The following DNAJB1 variants were observed in gnomAD, a reference collection of about 807,000 sequenced individuals.
DNAJB1 encodes dnaJ homolog subfamily B member 1.
In DNAJB1, 14 loss-of-function variants were observed where a neutral mutation model predicts 24.0. That is an observed-to-expected ratio of 0.58 (90% CI 0.39 to 0.91). The LOEUF (loss-of-function observed/expected upper bound fraction) is 0.91. Ranked by LOEUF, DNAJB1 falls within the 40% of genes least tolerant of loss-of-function variation. The probability of loss-of-function intolerance (pLI) is 0.00; values close to 1 mark genes in which losing one functional copy is unlikely to be tolerated. For synonymous variants in DNAJB1, 262 were observed against 174.4 expected, an observed-to-expected ratio of 1.50 and a Z score of -3.96; for missense variants, 517 against 458.1, an observed-to-expected ratio of 1.13 and a Z score of -1.17.
intron 2 of DNAJB1, among the ~76,000 whole-genome samples, chr19:14,526,336 G>A (rs918990166): frequency 2.6e-5 from 4 of 152,206 alleles, no homozygotes; most frequent in African/African-American, 9.7e-5. Flanking sequence ...CACTGTCAGG[G>A]GGCCACAGTA....
At chr19:14,545,513 G>C (rs188814540) in intron 1 of DNAJB1, among the ~76,000 whole-genome samples, 1 of 152,136 alleles carries the variant, frequency 6.6e-6, no homozygotes, top group Non-Finnish European at 1.5e-5. Flanking sequence ...CTAGGGGGTG[G>C]GGGGGATAGC....
intron 1 of DNAJB1, among the ~76,000 whole-genome samples, chr19:14,555,729 C>T (rs189751920): frequency 1.3e-5 from 2 of 152,150 alleles, no homozygotes; most frequent in African/African-American, 2.4e-5. Context: ...GTGTGAGTCA[C>T]CATGCGTGGA....
upstream of DNAJB1, among the ~76,000 whole-genome samples, chr19:14,534,727 G>T (rs796329989): frequency 2.0e-5 from 3 of 152,082 alleles, no homozygotes; most frequent in Non-Finnish European, 2.9e-5. Flanking sequence ...GTGAGCCACC[G>T]CACCTTGCCC....
chr19:14,553,081 G>C (rs192865363), upstream of DNAJB1, among the ~76,000 whole-genome samples: 1 of 152,184 alleles, frequency 6.6e-6, no homozygotes, highest in African/African-American at 2.4e-5. Context: ...ACTTCCCACT[G>C]TGTTTGTCTT....
At chr19:14,533,596 G>T (rs1025289368), upstream of DNAJB1, among the ~76,000 whole-genome samples, 7 of 152,108 alleles carry the variant, frequency 4.6e-5, no homozygotes, top group African/African-American at 1.7e-4. Flanking sequence ...TGACTGTCAC[G>T]CAACAAATTA....
upstream of DNAJB1, among the ~76,000 whole-genome samples, chr19:14,519,195 C>A (rs1158379527): frequency 6.6e-6 from 1 of 152,118 alleles, no homozygotes; most frequent in Non-Finnish European, 1.5e-5. Flanking sequence ...TGGTGAAACC[C>A]CATCTCTGCT....
upstream of DNAJB1, among the ~76,000 whole-genome samples, chr19:14,554,165 C>T (rs1433345219): frequency 6.6e-6 from 1 of 152,168 alleles, no homozygotes; most frequent in Non-Finnish European, 1.5e-5. Context: ...AGATCTTGGC[C>T]TCTTCATCTG....
chr19:14,535,594 G>A (rs144413935), intron 1 of DNAJB1, among the ~76,000 whole-genome samples: 58 of 38,864 alleles, frequency 1.5e-3, no homozygotes, highest in East Asian at 2.5e-3. Context: ...ATATATGTAT[G>A]TATATATAAA....
chr19:14,544,476 C>G (rs980253824), intron 1 of DNAJB1, among the ~76,000 whole-genome samples: 3 of 152,002 alleles, frequency 2.0e-5, no homozygotes, highest in Non-Finnish European at 4.4e-5. Context: ...GACGAGGATG[C>G]TTGCATGATC....
At chr19:14,546,064 G>C (rs2073296233) in intron 1 of DNAJB1, among the ~76,000 whole-genome samples, 1 of 152,138 alleles carries the variant, frequency 6.6e-6, no homozygotes, top group Non-Finnish European at 1.5e-5. Context: ...TGGGGGACCT[G>C]CCTGGAAGGT....
chr19:14,544,456 A>C (rs1189173985), intron 1 of DNAJB1, among the ~76,000 whole-genome samples: 1 of 151,850 alleles, frequency 6.6e-6, no homozygotes. Flanking sequence ...AAGTCACTGC[A>C]ACTGATCAGG....
At chr19:14,520,653 G>GTT (rs2072349408), upstream of DNAJB1, among the ~76,000 whole-genome samples, 1 of 152,084 alleles carries the variant, frequency 6.6e-6, no homozygotes, top group South Asian at 2.1e-4. Context: ...ACTTGAGCAG[G>GTT]GGTCCTGAAG....
At chr19:14,527,389 A>T (rs2072448122) in intron 2 of DNAJB1, 1 of 151,924 alleles carries the variant, frequency 6.6e-6, no homozygotes, top group Non-Finnish European at 1.5e-5. Flanking sequence ...CATGTTGGCC[A>T]AGCTGGTCTC....
chr19:14,533,837 G>A (rs2146552876), upstream of DNAJB1: 1 of 152,294 alleles, frequency 6.6e-6, no homozygotes, highest in Non-Finnish European at 1.5e-5. Context: ...GCATTGTCTT[G>A]GGGTCAGAGC....
chr19:14,523,767 G>A (rs961275899), intron 2 of DNAJB1, among the ~76,000 whole-genome samples: 6 of 152,014 alleles, frequency 3.9e-5, no homozygotes, highest in African/African-American at 1.4e-4. Flanking sequence ...ACAGGTGCCT[G>A]CCACCATGCC....
In DNAJB1 at chr19:14,516,783, T is replaced by G. The variant is rs955434760; in HGVS notation, c.475A>C (p.Lys159Gln). ...TCGTGGGTGACTGGGGGATCTTGCT[T>G]CTTTCGGGCGGGCTCTTGGGCAGAG... ...SRSAQEPARK[K>Q]QDPPVTHDLR... Residue 159 changes from lysine (K) to glutamine (Q), a missense_variant, in exon 2 of 3, where the codon AAG becomes CAG. Physicochemically the swap from Lys to Gln is moderately conservative, Grantham distance 53. Transcript: ENST00000254322. 3 of 1,613,824 alleles carry G rather than the reference T, an allele frequency of 1.9e-6. No homozygotes were observed. The African/African-American group carries it at 4.0e-5, about 22-fold the overall frequency.
chr19:14,543,082 G>A (rs2073156415), intron 1 of DNAJB1, among the ~76,000 whole-genome samples: 2 of 151,008 alleles, frequency 1.3e-5, no homozygotes, highest in South Asian at 4.2e-4. Flanking sequence ...GCCAAGTTGG[G>A]GGTGGGGGTG....
chr19:14,556,539 G>A (rs2146615406), intron 1 of DNAJB1, among the ~76,000 whole-genome samples: 1 of 152,210 alleles, frequency 6.6e-6, no homozygotes, highest in South Asian at 2.1e-4. Context: ...AGCACGCACA[G>A]GCTAGAATTC....
chr19:14,519,284 G>C (rs894105572), upstream of DNAJB1, among the ~76,000 whole-genome samples: 1 of 152,224 alleles, frequency 6.6e-6, no homozygotes, highest in African/African-American at 2.4e-5. Context: ...CCTGAGAATA[G>C]CTTGAATCGG....
Sources: gnomAD v4.1 joint callset for allele counts (sites outside exome capture counted in the v4.1 genomes callset) on GRCh38, gnomAD v4.1.1 for gene constraint, MANE v1.5 for transcripts, NCBI Gene and HGNC (gene_info 2026-07-23, HGNC 2026-07-21) for gene names.